Variants in ZBBX observed in about 807,000 individuals in gnomAD.
ZBBX encodes zinc finger B-box domain-containing protein 1.
ZBBX carries 101 observed loss-of-function variants against 108.5 expected under a neutral mutation model. That is an observed-to-expected ratio of 0.93 (90% CI 0.79 to 1.10). ZBBX has a LOEUF of 1.10. Ranked by LOEUF, ZBBX falls within the 50% of genes least tolerant of loss-of-function variation. ZBBX has a pLI of 0.00. For missense variants in ZBBX, 1,009 were observed against 941.4 expected (o/e 1.07, Z -0.94); for synonymous variants, 356 against 323.4 (o/e 1.10, Z -1.08).
the ZBBX span, among the ~76,000 whole-genome samples, chr3:167,224,799 C>A: frequency 3.3e-5 from 5 of 151,830 alleles, no homozygotes; most frequent in Admixed American, 1.3e-4. Flanking sequence ...AGTACTATCT[C>A]CCAATTTAAC....
intron 9 of ZBBX, among the ~76,000 whole-genome samples, chr3:167,336,760 C>T (rs1009591110): frequency 3.3e-5 from 5 of 152,162 alleles, no homozygotes; most frequent in African/African-American, 1.2e-4. Flanking sequence ...GCTTTAAAAA[C>T]TCACAAAACT....
At chr3:167,250,532 C>CTTTTTTT (rs11438021) in intron 20 of ZBBX, among the ~76,000 whole-genome samples, 1 of 145,514 alleles carries the variant, frequency 6.9e-6, no homozygotes, top group Non-Finnish European at 1.5e-5. Flanking sequence ...CCTTATAAAA[C>CTTTTTTT]TTTTTTTTTT....
At chr3:167,392,462 T>C (rs1748106701) in intron 1 of ZBBX, among the ~76,000 whole-genome samples, 1 of 151,830 alleles carries the variant, frequency 6.6e-6, no homozygotes, top group Admixed American at 6.6e-5. Flanking sequence ...CTGAGTAGTA[T>C]GGTAAGTTTA....
the ZBBX span, among the ~76,000 whole-genome samples, chr3:167,199,008 GT>G: frequency 6.6e-6 from 1 of 152,126 alleles, no homozygotes; most frequent in Non-Finnish European, 1.5e-5. Flanking sequence ...TCTCCCAAAA[GT>G]AACAGGAGAG....
At chr3:167,368,597 GAGAAAGC>G in intron 4 of ZBBX, 23 bp from the exon 5 acceptor site, 1 of 1,525,282 alleles carries the variant, frequency 6.6e-7, no homozygotes, top group Non-Finnish European at 8.8e-7. Context: ...GATTTAAATG[GAGAAAGC>G]AGAAAAACAA....
the ZBBX span, among the ~76,000 whole-genome samples, chr3:167,191,934 T>TATATATAGAGAGAG: frequency 6.9e-5 from 9 of 130,222 alleles, no homozygotes; most frequent in African/African-American, 2.7e-4. Context: ...TATATATATA[T>TATATATAGAGAGAG]AGAGCAAGTT....
intron 18 of ZBBX, among the ~76,000 whole-genome samples, chr3:167,290,987 G>C (rs1730583810): frequency 2.6e-5 from 4 of 152,066 alleles, no homozygotes; most frequent in Admixed American, 2.6e-4. Flanking sequence ...ATGAAATAAA[G>C]CGGAAAGACA....
At chr3:167,286,307 T>C (rs1327776996) in intron 19 of ZBBX, among the ~76,000 whole-genome samples, 1 of 152,114 alleles carries the variant, frequency 6.6e-6, no homozygotes, top group Non-Finnish European at 1.5e-5. Flanking sequence ...ACCAAGGTGT[T>C]GCTGTGTGAT....
intron 20 of ZBBX, among the ~76,000 whole-genome samples, chr3:167,273,459 A>G (rs890629751): frequency 6.6e-6 from 1 of 152,096 alleles, no homozygotes; most frequent in African/African-American, 2.4e-5. Flanking sequence ...CCCAAAGTGC[A>G]ACACCCTGTG....
chr3:167,181,951 T>TGG, the ZBBX span, among the ~76,000 whole-genome samples: 2 of 152,112 alleles, frequency 1.3e-5, no homozygotes, highest in African/African-American at 4.8e-5. Flanking sequence ...CCAGCTGTGG[T>TGG]GGGGGGCAGG....
chr3:167,385,967 A>G (rs1171732488), intron 1 of ZBBX, among the ~76,000 whole-genome samples: 1 of 152,044 alleles, frequency 6.6e-6, no homozygotes, highest in Non-Finnish European at 1.5e-5. Context: ...ACAATCTGTC[A>G]GTCTTGGCAG....
chr3:167,287,745 C>G (rs138289132), intron 19 of ZBBX, among the ~76,000 whole-genome samples: 54 of 152,122 alleles, frequency 3.5e-4, no homozygotes, highest in African/African-American at 1.2e-3. Context: ...GGGAAGCAAC[C>G]AGAATTTTTG....
chr3:167,194,974 A>T, the ZBBX span, among the ~76,000 whole-genome samples: 2 of 152,142 alleles, frequency 1.3e-5, no homozygotes, highest in Non-Finnish European at 2.9e-5. Context: ...GCCTTCCTGA[A>T]AATTACCCTT....
chr3:167,328,219 T>C, intron 10 of ZBBX, 103 bp from the exon 11 acceptor site: 1 of 1,108,634 alleles, frequency 9.0e-7, no homozygotes, highest in Non-Finnish European at 1.3e-6. Context: ...CAGGTAGAAC[T>C]AATTATTAGT....
chr3:167,271,551 C>T (rs908586055), intron 20 of ZBBX, among the ~76,000 whole-genome samples: 21 of 152,208 alleles, frequency 1.4e-4, no homozygotes, highest in Admixed American at 9.2e-4. Context: ...CCAAACCTCT[C>T]CTGAGAGAAA....
chr3:167,350,837 A>G (rs776336088), intron 8 of ZBBX, among the ~76,000 whole-genome samples: 16 of 152,152 alleles, frequency 1.1e-4, no homozygotes, highest in Admixed American at 3.3e-4. Flanking sequence ...ATAAACTATA[A>G]AACAACCAGT....
At chr3:167,282,563 A>C (rs1729006770) in intron 19 of ZBBX, 68 bp from the exon 20 acceptor site, 1 of 1,342,502 alleles carries the variant, frequency 7.4e-7, no homozygotes, top group Admixed American at 2.1e-5. Context: ...AAAGATACAA[A>C]ATACCAGGTC....
Position 167,259,050 on chromosome 3 carries a change from C to T in ZBBX, c.2255-16407G>A, listed in dbSNP as rs182911320. ...TGGAAGAGTGGCAAAAGGATTGGTA[C>T]CAATTCTTCTTCAAATGTCTGGTAG... On this transcript the variant is annotated intron_variant, in intron 20 of 21. Transcript: ENST00000675490. Among the ~76,000 whole-genome samples the T allele has an allele frequency of 1.8e-4, 28 of 152,212 alleles. No individual in the cohort carries two copies. In the East Asian group the frequency reaches 5.0e-3, roughly 27 times the overall value.
chr3:167,371,463 C>T (rs115900107), intron 4 of ZBBX, among the ~76,000 whole-genome samples: 1 of 152,186 alleles, frequency 6.6e-6, no homozygotes, highest in Non-Finnish European at 1.5e-5. Context: ...CTTTACACAT[C>T]ACACCATGCT....
Sources: allele counts gnomAD v4.1 joint callset (sites outside exome capture counted in the v4.1 genomes callset), GRCh38; gene constraint gnomAD v4.1.1; transcripts MANE v1.5; gene names NCBI Gene and HGNC (gene_info 2026-07-23, HGNC 2026-07-21).